PLCL1: variants seen among roughly 807,000 people sequenced by gnomAD.
The protein encoded by PLCL1 is inactive phospholipase C-like protein 1.
Under a neutral mutation model 84.4 loss-of-function variants are expected in PLCL1, and 41 were observed. That is an observed-to-expected ratio of 0.49 (90% CI 0.38 to 0.63). PLCL1 has a LOEUF of 0.63. Among genes scored for constraint, PLCL1 ranks in the 30% least tolerant of loss-of-function variants. The probability of loss-of-function intolerance (pLI) is 0.00; values close to 1 mark genes in which losing one functional copy is unlikely to be tolerated. For synonymous variants in PLCL1, 490 were observed against 488.3 expected (o/e 1.00, Z -0.05); for missense variants, 1,206 against 1,367.8 (o/e 0.88, Z 1.87).
At chr2:197,997,466 A>G (rs1474801822) in intron 1 of PLCL1, among the ~76,000 whole-genome samples, 3 of 152,108 alleles carry the variant, frequency 2.0e-5, no homozygotes, top group Non-Finnish European at 4.4e-5. Context: ...CAGCCACACC[A>G]CCTTCTTCTG....
intron 1 of PLCL1, among the ~76,000 whole-genome samples, chr2:197,868,922 A>T (rs1412955673): frequency 1.3e-5 from 2 of 152,196 alleles, no homozygotes; most frequent in Non-Finnish European, 2.9e-5. Flanking sequence ...CTAAGAAATT[A>T]TACTTTATTA....
intron 1 of PLCL1, among the ~76,000 whole-genome samples, chr2:198,038,432 A>G (rs1170381816): frequency 1.3e-5 from 2 of 152,134 alleles, no homozygotes; most frequent in African/African-American, 4.8e-5. Flanking sequence ...TGGTCCATAT[A>G]TATATACATA....
In PLCL1 at chr2:197,933,265, CT is replaced by C. The variant is rs774904338; in HGVS notation, c.240+127942del. Among the ~76,000 whole-genome samples, 972 of 127,232 alleles carry C rather than the reference CT, an allele frequency of 7.6e-3. 23 individuals carry two copies. The highest frequency in any genetic ancestry group is 0.057 in the Admixed American group (702 of 12,396). 83.5% of individuals were successfully genotyped at this position (127,232 alleles called of 152,430 possible). The stretch of plus-strand genomic sequence containing the variant: ...GTGTTGTTTCTTTTTTTTTTCTTTT[CT>C]TTTTTTTTTTTTTTTGAGACGGAGT... On this transcript the variant is annotated intron_variant, in intron 1 of 5. Transcript: ENST00000428675.
intron 1 of PLCL1, among the ~76,000 whole-genome samples, chr2:198,004,932 A>C (rs142819339): frequency 6.6e-6 from 1 of 152,240 alleles, no homozygotes; most frequent in Non-Finnish European, 1.5e-5. Context: ...GCCAATGAAC[A>C]TAAAAGTGCT....
At chr2:197,866,159 CTA>C (rs532631653) in intron 1 of PLCL1, among the ~76,000 whole-genome samples, 188 of 8,986 alleles carry the variant, frequency 0.021, 47 homozygotes, top group South Asian at 0.029. Context: ...TATATATAAA[CTA>C]TATATATATA....
intron 3 of PLCL1, among the ~76,000 whole-genome samples, chr2:198,098,947 C>T (rs1693263764): frequency 6.6e-6 from 1 of 152,138 alleles, no homozygotes; most frequent in Non-Finnish European, 1.5e-5. Context: ...ACATCTAATG[C>T]ATAAAGTAAT....
intron 1 of PLCL1, among the ~76,000 whole-genome samples, chr2:198,035,415 T>C (rs528771330): frequency 2.6e-5 from 4 of 152,332 alleles, no homozygotes; most frequent in Non-Finnish European, 5.9e-5. Flanking sequence ...ATCAACCAAG[T>C]CTTCTTCCTT....
intron 1 of PLCL1, among the ~76,000 whole-genome samples, chr2:197,925,679 T>C (rs530187358): frequency 6.6e-6 from 1 of 152,294 alleles, no homozygotes; most frequent in South Asian, 2.1e-4. Flanking sequence ...TCATAAATGT[T>C]AATGGTCTGC....
rs142089785 is a variant in PLCL1 at position 198,061,000 on chromosome 2, C to G, written c.241-22758C>G. On this transcript the variant is annotated intron_variant, in intron 1 of 5. Transcript: ENST00000428675. ...CAACTCTATGGAACTTTCTATTTAA[C>G]TTTTCTCATAAGCTACTTTGGGGGT... Among the ~76,000 whole-genome samples the G allele has an allele frequency of 1.3e-3, 201 of 152,234 alleles. 1 individual carries two copies. The highest frequency in any genetic ancestry group is 4.8e-3 in the African/African-American group (198 of 41,552).
intron 1 of PLCL1, among the ~76,000 whole-genome samples, chr2:198,048,753 T>C (rs947559272): frequency 2.7e-4 from 41 of 152,272 alleles, no homozygotes; most frequent in African/African-American, 8.9e-4. Context: ...ATCTCCAACA[T>C]TGGAGATCAT....
chr2:197,954,844 G>C (rs1184159989), intron 1 of PLCL1, among the ~76,000 whole-genome samples: 1 of 151,934 alleles, frequency 6.6e-6, no homozygotes, highest in Non-Finnish European at 1.5e-5. Flanking sequence ...TGATAATTTT[G>C]ATTTATTTTA....
At chr2:198,035,941 C>A (rs1281990068) in intron 1 of PLCL1, among the ~76,000 whole-genome samples, 3 of 152,068 alleles carry the variant, frequency 2.0e-5, no homozygotes, top group Non-Finnish European at 4.4e-5. Context: ...GAGGCAGAGG[C>A]AAGGAGAATC....
chr2:197,996,494 C>T (rs187361409), intron 1 of PLCL1, among the ~76,000 whole-genome samples: 1 of 151,900 alleles, frequency 6.6e-6, no homozygotes, highest in East Asian at 1.9e-4. Flanking sequence ...ACAAATGTAC[C>T]ACCAGAATGC....
intron 5 of PLCL1, among the ~76,000 whole-genome samples, chr2:198,107,163 A>G (rs1403919957): frequency 6.6e-6 from 1 of 151,918 alleles, no homozygotes; most frequent in African/African-American, 2.4e-5. Context: ...TGGCAGCAGC[A>G]AGGAGAAGTG....
At chr2:197,878,751 T>C (rs1687780285) in intron 1 of PLCL1, among the ~76,000 whole-genome samples, 1 of 152,170 alleles carries the variant, frequency 6.6e-6, no homozygotes, top group Admixed American at 6.5e-5. Flanking sequence ...CTCGTTTGAC[T>C]AGGCTCTCAC....
intron 1 of PLCL1, among the ~76,000 whole-genome samples, chr2:198,017,543 T>G (rs972574972): frequency 9.9e-5 from 15 of 152,230 alleles, no homozygotes; most frequent in Admixed American, 5.2e-4. Flanking sequence ...TATGTCTTAA[T>G]GTAACCCTAA....
chr2:197,994,858 A>T (rs1261432960), intron 1 of PLCL1, among the ~76,000 whole-genome samples: 2 of 152,184 alleles, frequency 1.3e-5, no homozygotes, highest in Admixed American at 6.5e-5. Context: ...TATGTATGTG[A>T]TCCCCAAAGC....
At chr2:197,870,010 A>T (rs189857590) in intron 1 of PLCL1, among the ~76,000 whole-genome samples, 4 of 152,284 alleles carry the variant, frequency 2.6e-5, no homozygotes, top group African/African-American at 4.8e-5. Flanking sequence ...AACTTTGTGA[A>T]ACAGGAAGGG....
chr2:198,009,341 A>T (rs1690811321), intron 1 of PLCL1, among the ~76,000 whole-genome samples: 1 of 152,000 alleles, frequency 6.6e-6, no homozygotes, highest in Non-Finnish European at 1.5e-5. Flanking sequence ...TCTTTAATTC[A>T]TTTTGAGTTA....
Sources: allele counts gnomAD v4.1 joint callset (sites outside exome capture counted in the v4.1 genomes callset), GRCh38; gene constraint gnomAD v4.1.1; transcripts MANE v1.5; gene names NCBI Gene and HGNC (gene_info 2026-07-23, HGNC 2026-07-21).